Variants in MCPH1 observed in about 807,000 individuals in gnomAD.
MCPH1 encodes microcephalin.
A neutral mutation model predicts 84.5 loss-of-function variants in MCPH1; 104 were observed. The observed-to-expected ratio is 1.23, with a 90% CI of 1.05 to 1.45. MCPH1 has a LOEUF of 1.45. Ranked by LOEUF, MCPH1 falls within the 40% of genes most tolerant of loss-of-function variation. MCPH1 has a pLI of 0.00. For missense variants in MCPH1, 1,498 were observed against 1,005.7 expected (o/e 1.49, Z -6.62); for synonymous variants, 514 against 366.8 (o/e 1.40, Z -4.58).
intron 3 of MCPH1, among the ~76,000 whole-genome samples, chr8:6,424,040 C>T (rs1185678586): frequency 1.3e-5 from 2 of 152,154 alleles, no homozygotes; most frequent in African/African-American, 4.8e-5. Context: ...TGCAGTAGCT[C>T]ATGGTTTCCA....
At position 6,421,506 on chromosome 8, in the gene MCPH1, A is replaced by AT. The variant is rs537113455; in HGVS notation, c.233+6632dup. 1.4e-3 allele frequency among the ~76,000 whole-genome samples: 215 copies of AT among 150,426 alleles called. 9 individuals are homozygous for AT. The South Asian group carries it at 0.042, about 30-fold the overall frequency. Reference sequence around the variant, plus strand: ...CCAAATCCACCCTGCCATACTGTTTATTTTTTTTTAATGGCCCATGAGGTA... The same window carrying AT: ...CCAAATCCACCCTGCCATACTGTTTATTTTTTTTTTAATGGCCCATGAGGTA... On this transcript the variant is annotated intron_variant, in intron 3 of 13. Coordinates refer to ENST00000344683, the MANE Select transcript of MCPH1 (RefSeq NM_024596.5).
intron 9 of MCPH1, among the ~76,000 whole-genome samples, chr8:6,463,971 C>T (rs1399329154): frequency 6.6e-6 from 1 of 152,196 alleles, no homozygotes. Context: ...ATCCAAAGGA[C>T]AGGTGATATT....
At chr8:6,559,993 C>A (rs902417590) in intron 12 of MCPH1, among the ~76,000 whole-genome samples, 1 of 152,204 alleles carries the variant, frequency 6.6e-6, no homozygotes, top group African/African-American at 2.4e-5. Flanking sequence ...AGCGTGGGAC[C>A]TTTTGATGAT....
At position 6,644,703 on chromosome 8, in the gene MCPH1, G is replaced by A. The variant is rs564902726; in HGVS notation, c.*1654G>A. 6.6e-6 allele frequency: 1 copy of A among 152,176 alleles called. No homozygotes were observed. The highest frequency in any genetic ancestry group is 1.5e-5 in the Non-Finnish European group (1 of 68,042). The allele number at this position is 152,176 out of a possible 1,614,324, so 9.4% of individuals were successfully genotyped here. ...CCAGCGAGGTCGGAGGTGCCACTGA[G>A]CCCTCATCGTGGTGCCGTTCCCGCT... On this transcript the variant is annotated 3_prime_UTR_variant, in exon 14 of 14. Coordinates refer to ENST00000344683, the MANE Select transcript of MCPH1 (RefSeq NM_024596.5).
At chr8:6,520,757 C>CT (rs1296184944) in intron 12 of MCPH1, among the ~76,000 whole-genome samples, 1 of 152,192 alleles carries the variant, frequency 6.6e-6, no homozygotes, top group Non-Finnish European at 1.5e-5. Context: ...GCAAAATGTG[C>CT]TTAAGAACCT....
intron 13 of MCPH1, among the ~76,000 whole-genome samples, chr8:6,634,442 C>CGG (rs1797391831): frequency 2.0e-5 from 3 of 152,212 alleles, no homozygotes; most frequent in African/African-American, 7.2e-5. Flanking sequence ...ATGCTGACTA[C>CGG]AGCTGACGGG....
chr8:6,623,173 T>A (rs772594330), intron 13 of MCPH1, among the ~76,000 whole-genome samples: 25 of 151,992 alleles, frequency 1.6e-4, no homozygotes, highest in Non-Finnish European at 2.6e-4. Flanking sequence ...CATTTTAACT[T>A]GTCTTTTTCA....
At chr8:6,498,380 T>C (rs1015274652) in intron 11 of MCPH1, among the ~76,000 whole-genome samples, 4 of 152,210 alleles carry the variant, frequency 2.6e-5, no homozygotes, top group Admixed American at 6.5e-5. Context: ...TTACACTGTA[T>C]TTCTGATTTG....
At chr8:6,415,509 A>G (rs1239069087) in intron 3 of MCPH1, among the ~76,000 whole-genome samples, 6 of 151,776 alleles carry the variant, frequency 4.0e-5, no homozygotes, top group Admixed American at 2.6e-4. Flanking sequence ...ACGCACCACC[A>G]TGCCTGGCTA....
At chr8:6,586,139 T>C (rs866560736) in intron 12 of MCPH1, among the ~76,000 whole-genome samples, 3 of 152,060 alleles carry the variant, frequency 2.0e-5, no homozygotes, top group African/African-American at 7.3e-5. Context: ...CTGATTTTTT[T>C]TTGTAGAGAC....
chr8:6,632,998 G>A (rs1797278835), intron 13 of MCPH1, among the ~76,000 whole-genome samples: 1 of 150,418 alleles, frequency 6.6e-6, no homozygotes, highest in African/African-American at 2.5e-5. Flanking sequence ...AAGCAGTAGG[G>A]AAGATTCAAT....
At chr8:6,597,855 G>A (rs1000159567) in intron 12 of MCPH1, among the ~76,000 whole-genome samples, 1 of 152,064 alleles carries the variant, frequency 6.6e-6, no homozygotes, top group African/African-American at 2.4e-5. Context: ...TCCTAGGTGG[G>A]CCTGCCCTTC....
At chr8:6,583,769 G>A (rs1439972613) in intron 12 of MCPH1, among the ~76,000 whole-genome samples, 1 of 151,288 alleles carries the variant, frequency 6.6e-6, no homozygotes, top group Non-Finnish European at 1.5e-5. Context: ...TCAGCTAACT[G>A]GATGCAGAAG....
chr8:6,422,833 AGCCC>A (rs1800422413), intron 3 of MCPH1, among the ~76,000 whole-genome samples: 1 of 151,418 alleles, frequency 6.6e-6, no homozygotes, highest in African/African-American at 2.4e-5. Flanking sequence ...GGACTACCGG[AGCCC>A]GCCACCACGC....
At chr8:6,637,390 A>G (rs1586893932) in intron 13 of MCPH1, among the ~76,000 whole-genome samples, 1 of 152,194 alleles carries the variant, frequency 6.6e-6, no homozygotes, top group African/African-American at 2.4e-5. Flanking sequence ...TTGTAGGTCT[A>G]TTGGACTGGC....
chr8:6,523,066 T>C (rs2129569727), intron 12 of MCPH1, among the ~76,000 whole-genome samples: 1 of 152,130 alleles, frequency 6.6e-6, no homozygotes, highest in Admixed American at 6.5e-5. Flanking sequence ...GGTGCCATCT[T>C]GGCTCACTGC....
chr8:6,425,210 C>G (rs1800879214), intron 3 of MCPH1, among the ~76,000 whole-genome samples: 1 of 152,182 alleles, frequency 6.6e-6, no homozygotes, highest in Non-Finnish European at 1.5e-5. Flanking sequence ...GCTTTGATTT[C>G]TGTTGGCTCT....
Position 6,647,934 on chromosome 8 carries a change from AGAG to A in MCPH1, c.*4886_*4888del, listed in dbSNP as rs1484879188. Reference sequence around the variant, plus strand: ...AATAAAGCTATTTTTTTTAAAAAAAAGAGAGAGAGAGAACGAGAGCTACATGGC... The same window carrying A: ...AATAAAGCTATTTTTTTTAAAAAAAAAGAGAGAGAACGAGAGCTACATGGC... On this transcript the variant is annotated 3_prime_UTR_variant, in exon 14 of 14. Transcript: ENST00000344683. 2 of 151,352 alleles carry A rather than the reference AGAG, an allele frequency of 1.3e-5. No individual in the cohort carries two copies. The highest frequency in any genetic ancestry group is 4.9e-5 in the African/African-American group (2 of 40,718). 9.4% of individuals were successfully genotyped at this position (151,352 alleles called of 1,614,324 possible). A position where few individuals can be genotyped will look rare whatever the true frequency, so the allele number is the denominator to read the frequency against.
At chr8:6,540,596 C>G (rs1002710454) in intron 12 of MCPH1, among the ~76,000 whole-genome samples, 7 of 152,156 alleles carry the variant, frequency 4.6e-5, no homozygotes, top group African/African-American at 1.7e-4. Flanking sequence ...CGTTGTCAGG[C>G]CACGTCTGCA....
Sources: allele counts gnomAD v4.1 joint callset (sites outside exome capture counted in the v4.1 genomes callset), GRCh38; gene constraint gnomAD v4.1.1; transcripts MANE v1.5; gene names NCBI Gene and HGNC (gene_info 2026-07-23, HGNC 2026-07-21).